The following TBC1D22A variants were observed in gnomAD, a reference collection of about 807,000 sequenced individuals.
The protein encoded by TBC1D22A is TBC1 domain family member 22A.
A neutral mutation model predicts 60.2 loss-of-function variants in TBC1D22A; 38 were observed. The ratio of observed to expected loss-of-function variants is 0.63; its 90% CI spans 0.49 to 0.83. TBC1D22A has a LOEUF of 0.83. TBC1D22A is among the 40% of genes least tolerant of loss of function. The pLI, the probability that TBC1D22A is intolerant of heterozygous loss-of-function variation, is 0.00. For missense variants in TBC1D22A, 628 were observed against 701.0 expected, an observed-to-expected ratio of 0.90 and a Z score of 1.18; for synonymous variants, 302 against 281.7, an observed-to-expected ratio of 1.07 and a Z score of -0.72.
At chr22:46,779,778 C>T (rs1047592284) in intron 1 of TBC1D22A, among the ~76,000 whole-genome samples, 1 of 152,214 alleles carries the variant, frequency 6.6e-6, no homozygotes, top group Non-Finnish European at 1.5e-5. Flanking sequence ...AATGCAGCCC[C>T]TGTAGCAGGG....
chr22:47,159,908 C>CACGTGCCACAT (rs1389032568), intron 12 of TBC1D22A, among the ~76,000 whole-genome samples: 10 of 116,996 alleles, frequency 8.5e-5, no homozygotes, highest in African/African-American at 2.1e-4. Flanking sequence ...CCACACCACA[C>CACGTGCCACAT]ACATGTGCCA....
intron 11 of TBC1D22A, among the ~76,000 whole-genome samples, chr22:47,065,652 A>AATGCGGCACGAGGAC (rs2063734857): frequency 6.6e-6 from 1 of 152,260 alleles, no homozygotes. Context: ...ACTGGGTTGG[A>AATGCGGCACGAGGAC]TTGAGGGAGA....
intron 12 of TBC1D22A, among the ~76,000 whole-genome samples, chr22:47,169,859 A>G (rs902171697): frequency 7.9e-5 from 12 of 152,332 alleles, no homozygotes; most frequent in East Asian, 5.8e-4. Flanking sequence ...AGTGCCGTCT[A>G]TAGTTTTCTG....
intron 1 of TBC1D22A, among the ~76,000 whole-genome samples, chr22:46,781,140 GT>G (rs377531996): frequency 0.011 from 1,398 of 128,906 alleles, 23 homozygotes; most frequent in African/African-American, 0.037. Flanking sequence ...TCCCAATTTT[GT>G]TTTTTTTTTT....
chr22:46,941,787 A>C (rs2072151231), intron 8 of TBC1D22A, among the ~76,000 whole-genome samples: 1 of 126,526 alleles, frequency 7.9e-6, no homozygotes. Context: ...CGGAATATAT[A>C]TAGAATATAT....
At chr22:47,060,368 A>G (rs1316035724) in intron 11 of TBC1D22A, among the ~76,000 whole-genome samples, 1 of 150,884 alleles carries the variant, frequency 6.6e-6, no homozygotes, top group Non-Finnish European at 1.5e-5. Flanking sequence ...CAGCCTCCCA[A>G]GTAGTTGGGA....
chr22:47,117,612 A>G (rs767867719), intron 12 of TBC1D22A, among the ~76,000 whole-genome samples: 17 of 152,016 alleles, frequency 1.1e-4, no homozygotes, highest in South Asian at 4.2e-4. Context: ...TTCTCCCAAC[A>G]AGGGTCTGGC....
At chr22:47,084,068 G>A (rs1242454286) in intron 11 of TBC1D22A, among the ~76,000 whole-genome samples, 2 of 152,244 alleles carry the variant, frequency 1.3e-5, no homozygotes, top group East Asian at 1.9e-4. Flanking sequence ...ACCGGGGAGA[G>A]TTGATGAGGT....
At chr22:46,836,790 A>G (rs1335423374) in intron 4 of TBC1D22A, among the ~76,000 whole-genome samples, 24 of 152,170 alleles carry the variant, frequency 1.6e-4, no homozygotes, top group Non-Finnish European at 2.9e-5. Context: ...AGAAAAAGAT[A>G]TCCCACACCA....
intron 4 of TBC1D22A, among the ~76,000 whole-genome samples, chr22:46,835,588 T>C (rs1602076429): frequency 6.6e-6 from 1 of 152,322 alleles, no homozygotes; most frequent in African/African-American, 2.4e-5. Context: ...CTGTAGGATT[T>C]ATGGAACAAC....
At chr22:46,986,708 C>T (rs2074736652) in intron 9 of TBC1D22A, among the ~76,000 whole-genome samples, 1 of 137,958 alleles carries the variant, frequency 7.2e-6, no homozygotes, top group Non-Finnish European at 1.6e-5. Context: ...GATTGATATG[C>T]TAGGGGTATA....
intron 8 of TBC1D22A, among the ~76,000 whole-genome samples, chr22:46,920,057 T>TA (rs1555949341): frequency 1.7e-5 from 1 of 59,158 alleles, no homozygotes; most frequent in African/African-American, 3.9e-5. Context: ...ATGTGTTTGT[T>TA]TGTATGTATG....
At chr22:47,026,468 C>T (rs2062261794) in intron 10 of TBC1D22A, among the ~76,000 whole-genome samples, 1 of 152,204 alleles carries the variant, frequency 6.6e-6, no homozygotes, top group African/African-American at 2.4e-5. Flanking sequence ...AAGTAAAACT[C>T]TCTGCTTTTG....
At chr22:47,093,682 G>A (rs889544329) in intron 11 of TBC1D22A, among the ~76,000 whole-genome samples, 16 of 152,186 alleles carry the variant, frequency 1.1e-4, no homozygotes, top group African/African-American at 3.6e-4. Context: ...ACATGAAAAC[G>A]ATCTGTCATC....
chr22:47,050,590 C>G (rs1309815299), intron 11 of TBC1D22A, among the ~76,000 whole-genome samples: 1 of 152,222 alleles, frequency 6.6e-6, no homozygotes, highest in Non-Finnish European at 1.5e-5. Flanking sequence ...TGTGAGGCCT[C>G]TCCAGGCGCC....
At chr22:46,840,336 A>G (rs1443467319) in intron 4 of TBC1D22A, among the ~76,000 whole-genome samples, 1 of 152,226 alleles carries the variant, frequency 6.6e-6, no homozygotes, top group Non-Finnish European at 1.5e-5. Context: ...AGACATACAG[A>G]TTATCAATAG....
At chr22:46,890,028 T>G (rs144839098) in intron 5 of TBC1D22A, among the ~76,000 whole-genome samples, 67 of 152,318 alleles carry the variant, frequency 4.4e-4, no homozygotes, top group African/African-American at 1.6e-3. Context: ...ATCTGCAGAT[T>G]CAACCAACTG....
At chr22:47,024,131 G>A (rs1297514584) in intron 10 of TBC1D22A, among the ~76,000 whole-genome samples, 1 of 152,204 alleles carries the variant, frequency 6.6e-6, no homozygotes, top group Non-Finnish European at 1.5e-5. Flanking sequence ...GTGAAGCCGG[G>A]TAATCGTATC....
intron 11 of TBC1D22A, among the ~76,000 whole-genome samples, chr22:47,105,988 G>A (rs1037244312): frequency 6.6e-6 from 1 of 152,180 alleles, no homozygotes; most frequent in African/African-American, 2.4e-5. Flanking sequence ...TTGAATGGAA[G>A]AAGGAGGAGT....
Sources: gnomAD v4.1 joint callset for allele counts (sites outside exome capture counted in the v4.1 genomes callset) on GRCh38, gnomAD v4.1.1 for gene constraint, MANE v1.5 for transcripts, NCBI Gene and HGNC (gene_info 2026-07-23, HGNC 2026-07-21) for gene names.